APBB2: variants seen among roughly 807,000 people sequenced by gnomAD.
APBB2 encodes the protein Fe65-like 1.
In APBB2, 38 loss-of-function variants were observed where a neutral mutation model predicts 82.5. That is an observed-to-expected ratio of 0.46 (90% CI 0.36 to 0.60). The LOEUF (loss-of-function observed/expected upper bound fraction) is 0.60. Ranked by LOEUF, APBB2 falls within the 20% of genes least tolerant of loss-of-function variation. APBB2 has a pLI of 0.00. For synonymous variants in APBB2, 341 were observed against 368.2 expected, an observed-to-expected ratio of 0.93 and a Z score of 0.85; for missense variants, 772 against 972.3, an observed-to-expected ratio of 0.79 and a Z score of 2.74.
At chr4:41,209,723 AATC>A (rs1778857776) in intron 1 of APBB2, among the ~76,000 whole-genome samples, 1 of 152,248 alleles carries the variant, frequency 6.6e-6, no homozygotes, top group African/African-American at 2.4e-5. Flanking sequence ...ACCCAAATCT[AATC>A]ATTACCTTAT....
At chr4:41,058,393 T>C (rs1728578519) in intron 4 of APBB2, among the ~76,000 whole-genome samples, 1 of 152,198 alleles carries the variant, frequency 6.6e-6, no homozygotes, top group Admixed American at 6.5e-5. Context: ...AGAAGTAACC[T>C]TTCTTTACTA....
At chr4:40,860,789 G>A (rs941703956) in intron 12 of APBB2, among the ~76,000 whole-genome samples, 9 of 152,062 alleles carry the variant, frequency 5.9e-5, no homozygotes, top group Non-Finnish European at 1.0e-4. Context: ...TTTTTTAACC[G>A]ATTTTTTTAT....
At chr4:41,107,256 A>G (rs1460068545) in intron 2 of APBB2, among the ~76,000 whole-genome samples, 1 of 152,162 alleles carries the variant, frequency 6.6e-6, no homozygotes, top group Non-Finnish European at 1.5e-5. Flanking sequence ...GGTTACAGTG[A>G]GCTGAGATCA....
At chr4:41,110,343 G>A (rs141165720) in intron 2 of APBB2, among the ~76,000 whole-genome samples, 202 of 152,258 alleles carry the variant, frequency 1.3e-3, no homozygotes, top group Middle Eastern at 3.4e-3. Flanking sequence ...GGTGGCTCAC[G>A]CTTATAATCC....
intron 1 of APBB2, among the ~76,000 whole-genome samples, chr4:41,173,380 A>G (rs1008898300): frequency 1.3e-5 from 2 of 152,220 alleles, no homozygotes; most frequent in African/African-American, 4.8e-5. Flanking sequence ...CAGGCAAAGG[A>G]TGAAGGAACC....
chr4:41,211,757 T>C (rs71608066), intron 1 of APBB2, among the ~76,000 whole-genome samples: 86 of 152,286 alleles, frequency 5.6e-4, no homozygotes, highest in Admixed American at 8.5e-4. Context: ...GCTGTGATTA[T>C]AGGTGTTAGC....
chr4:40,881,151 G>T, intron 12 of APBB2: 1 of 985,406 alleles, frequency 1.0e-6, no homozygotes, highest in Non-Finnish European at 1.2e-6. Flanking sequence ...CAAGTAAATC[G>T]TGATGCCTCT....
Position 40,828,774 on chromosome 4 carries a change from CGTG to C in APBB2, c.1645-1558_1645-1556del, listed in dbSNP as rs548165343. Among the ~76,000 whole-genome samples, 103 of 152,344 alleles carry C rather than the reference CGTG, an allele frequency of 6.8e-4. 1 individual carries two copies. The highest frequency in any genetic ancestry group is 3.9e-3 in the South Asian group (19 of 4,828). ...GAATGTGAACATGGGCGGGAATAAA[CGTG>C]GTGATCTCAAGACCAGTGCCCATCC... On this transcript the variant is annotated intron_variant, in intron 13 of 17. Coordinates refer to ENST00000508593, the MANE Select transcript of APBB2 (RefSeq NM_004307.2).
chr4:41,123,986 C>T (rs761190332), intron 2 of APBB2, among the ~76,000 whole-genome samples: 33 of 152,226 alleles, frequency 2.2e-4, no homozygotes, highest in Non-Finnish European at 5.9e-5. Context: ...AACTCTGCTG[C>T]TGTACCATGA....
intron 1 of APBB2, among the ~76,000 whole-genome samples, chr4:41,189,632 C>T (rs1041388091): frequency 2.6e-5 from 4 of 152,192 alleles, no homozygotes; most frequent in African/African-American, 7.2e-5. Context: ...AGCATCTCAA[C>T]AAATTAAAGT....
chr4:40,885,678 T>C (rs1770014469), intron 12 of APBB2, among the ~76,000 whole-genome samples: 2 of 152,228 alleles, frequency 1.3e-5, no homozygotes, highest in Admixed American at 1.3e-4. Context: ...TAATATTCAT[T>C]AAAAGTAATT....
intron 3 of APBB2, among the ~76,000 whole-genome samples, chr4:41,074,124 TAAAC>T (rs1309887671): frequency 4.6e-5 from 7 of 152,182 alleles, no homozygotes; most frequent in Non-Finnish European, 8.8e-5. Context: ...AGACCATCTC[TAAAC>T]AAACAAACAA....
intron 6 of APBB2, among the ~76,000 whole-genome samples, chr4:40,967,778 G>A (rs773499005): frequency 1.2e-4 from 19 of 152,170 alleles, no homozygotes; most frequent in African/African-American, 4.1e-4. Flanking sequence ...AGCAAAACTC[G>A]GGCAAAGGTG....
chr4:41,107,382 A>G (rs1747638677), intron 2 of APBB2, among the ~76,000 whole-genome samples: 1 of 152,206 alleles, frequency 6.6e-6, no homozygotes, highest in Non-Finnish European at 1.5e-5. Flanking sequence ...ACAAATATTC[A>G]TTGAAAAAAT....
chr4:40,911,607 C>T (rs1353644506), intron 10 of APBB2, among the ~76,000 whole-genome samples: 1 of 152,188 alleles, frequency 6.6e-6, no homozygotes, highest in Non-Finnish European at 1.5e-5. Context: ...CCAATCCAAT[C>T]CATGTCTGGC....
chr4:41,086,919 TCC>T (rs1491537501), intron 3 of APBB2, among the ~76,000 whole-genome samples: 2 of 12,090 alleles, frequency 1.7e-4, no homozygotes, highest in Non-Finnish European at 2.9e-4. Flanking sequence ...CCTTAAAAAT[TCC>T]ACACACACAC....
chr4:41,175,551 A>G (rs1769526144), intron 1 of APBB2, among the ~76,000 whole-genome samples: 1 of 152,128 alleles, frequency 6.6e-6, no homozygotes, highest in East Asian at 1.9e-4. Context: ...GCTCCCACCA[A>G]TCAAGCTGTA....
rs1377556472 is a variant in APBB2, at chr4:41,131,902, T to C, written c.-261+11085A>G. Among the ~76,000 whole-genome samples, 2 of 151,894 alleles carry C rather than the reference T, an allele frequency of 1.3e-5. 1 individual carries two copies. On this transcript the variant is annotated intron_variant, in intron 2 of 17. Transcript: ENST00000508593. ...TAAAAATACAAAAATTAGCCAGGCATGGTGGCACACACCTGTAGTCCCAGC... is the reference window on the plus strand; with the variant it reads ...TAAAAATACAAAAATTAGCCAGGCACGGTGGCACACACCTGTAGTCCCAGC...
chr4:41,123,264 C>A (rs1241080322), intron 2 of APBB2, among the ~76,000 whole-genome samples: 1 of 151,922 alleles, frequency 6.6e-6, no homozygotes, highest in Admixed American at 6.6e-5. Flanking sequence ...AGCAGACAGC[C>A]GGCACTCACT....
Sources: allele counts gnomAD v4.1 joint callset (sites outside exome capture counted in the v4.1 genomes callset), GRCh38; gene constraint gnomAD v4.1.1; transcripts MANE v1.5; gene names NCBI Gene and HGNC (gene_info 2026-07-23, HGNC 2026-07-21).